The following MGMT variants were observed in gnomAD, a reference collection of about 807,000 sequenced individuals.
MGMT encodes methylated-DNA--protein-cysteine methyltransferase.
In MGMT, 14 loss-of-function variants were observed where a neutral mutation model predicts 15.9. That is an observed-to-expected ratio of 0.88 (90% confidence interval 0.58 to 1.37). The LOEUF is 1.37. MGMT is among the 40% of genes most tolerant of loss of function. The pLI is 0.00. For missense variants in MGMT, 282 were observed against 268.1 expected (o/e 1.05, Z -0.36); for synonymous variants, 130 against 118.2 (o/e 1.10, Z -0.65).
intron 2 of MGMT, among the ~76,000 whole-genome samples, chr10:129,610,581 A>C (rs1846948575): frequency 6.6e-6 from 1 of 152,176 alleles, no homozygotes; most frequent in South Asian, 2.1e-4. Flanking sequence ...TTTTTTACCA[A>C]CTAAAACAGG....
At chr10:129,750,201 A>G in intron 3 of MGMT, among the ~76,000 whole-genome samples, 1 of 151,736 alleles carries the variant, frequency 6.6e-6, no homozygotes, top group East Asian at 1.9e-4. Context: ...GGTTGCTTAG[A>G]TTTTCTCCTG....
intron 2 of MGMT, among the ~76,000 whole-genome samples, chr10:129,691,919 C>T (rs1399992965): frequency 3.9e-5 from 6 of 152,158 alleles, no homozygotes; most frequent in Non-Finnish European, 8.8e-5. Flanking sequence ...TGCCACTTAG[C>T]TGCATGGCCT....
intron 2 of MGMT, among the ~76,000 whole-genome samples, chr10:129,657,499 G>C (rs1847538041): frequency 6.6e-6 from 1 of 151,906 alleles, no homozygotes; most frequent in Non-Finnish European, 1.5e-5. Flanking sequence ...GCGTGAGACA[G>C]AAGAAACAGG....
chr10:129,583,493 G>A (rs1207570255), intron 2 of MGMT, among the ~76,000 whole-genome samples: 1 of 152,204 alleles, frequency 6.6e-6, no homozygotes, highest in Non-Finnish European at 1.5e-5. Flanking sequence ...GTAGTTTAAG[G>A]TAGAAGATAG....
At chr10:129,475,002 T>TG (rs533961503) in intron 1 of MGMT, among the ~76,000 whole-genome samples, 5,696 of 151,186 alleles carry the variant, frequency 0.038, 150 homozygotes, top group South Asian at 0.061. Context: ...TGGCCTTTGT[T>TG]GGGGGGGGTG....
At chr10:129,663,963 A>C (rs1363169135) in intron 2 of MGMT, among the ~76,000 whole-genome samples, 1 of 152,224 alleles carries the variant, frequency 6.6e-6, no homozygotes, top group African/African-American at 2.4e-5. Flanking sequence ...TTTTTTATGC[A>C]GCAAGTACAA....
chr10:129,495,702 C>T (rs928702713), intron 1 of MGMT, among the ~76,000 whole-genome samples: 2 of 152,204 alleles, frequency 1.3e-5, no homozygotes, highest in African/African-American at 4.8e-5. Flanking sequence ...TCCTGTCAAA[C>T]GTGTATGGAA....
chr10:129,635,161 C>T (rs1847251381), intron 2 of MGMT, among the ~76,000 whole-genome samples: 1 of 152,208 alleles, frequency 6.6e-6, no homozygotes, highest in Non-Finnish European at 1.5e-5. Context: ...GCGGTTACCA[C>T]CCTGTCATCC....
chr10:129,627,470 C>T (rs1847163652), intron 2 of MGMT, among the ~76,000 whole-genome samples: 1 of 152,158 alleles, frequency 6.6e-6, no homozygotes, highest in African/African-American at 2.4e-5. Flanking sequence ...CAGTTTTTCG[C>T]CCCCGAGTGT....
chr10:129,724,281 C>T (rs971668365), intron 3 of MGMT, among the ~76,000 whole-genome samples: 7 of 152,012 alleles, frequency 4.6e-5, no homozygotes, highest in African/African-American at 1.2e-4. Flanking sequence ...CTTAAGGAGC[C>T]GGACACAGCA....
rs149452540 is a variant in MGMT at position 129,467,416 on chromosome 10, C to A, written c.-13+120C>A. On this transcript the variant is annotated intron_variant, in intron 1 of 4. Coordinates refer to ENST00000651593, the MANE Select transcript of MGMT (RefSeq NM_002412.5). ...CCGTCGGGTGTGGGGCCGCCCTGAC[C>A]CCCACCCATCCCGGGCGAGCTCCAG... 2,589 of 1,368,174 alleles carry A rather than the reference C, an allele frequency of 1.9e-3. 55 individuals are homozygous for A. The highest frequency in any genetic ancestry group is 0.012 in the East Asian group (390 of 32,590). 84.8% of individuals were successfully genotyped at this position (1,368,174 alleles called of 1,614,324 possible).
At chr10:129,727,998 A>G (rs1848452254) in intron 3 of MGMT, among the ~76,000 whole-genome samples, 1 of 152,106 alleles carries the variant, frequency 6.6e-6, no homozygotes, top group Non-Finnish European at 1.5e-5. Context: ...AGGGGCTGCC[A>G]GCCTCCCTCC....
intron 2 of MGMT, among the ~76,000 whole-genome samples, chr10:129,640,308 G>A (rs2133089344): frequency 6.6e-6 from 1 of 152,144 alleles, no homozygotes; most frequent in Non-Finnish European, 1.5e-5. Flanking sequence ...ATATTGGCCA[G>A]GCTGGTCTCA....
At chr10:129,706,370 C>T (rs949984837) in intron 2 of MGMT, among the ~76,000 whole-genome samples, 7 of 152,194 alleles carry the variant, frequency 4.6e-5, no homozygotes, top group Non-Finnish European at 1.0e-4. Flanking sequence ...CACTGGGACC[C>T]TCCCAGAGCA....
chr10:129,560,954 AGT>A (rs57984603), intron 2 of MGMT, among the ~76,000 whole-genome samples: 11,300 of 133,040 alleles, frequency 0.085, 468 homozygotes, highest in Admixed American at 0.12. Flanking sequence ...AGTAAAGAGC[AGT>A]GTGTGTGTGT....
At chr10:129,506,997 C>A (rs2119688237) in intron 1 of MGMT, among the ~76,000 whole-genome samples, 1 of 152,200 alleles carries the variant, frequency 6.6e-6, no homozygotes, top group East Asian at 1.9e-4. Context: ...GGCCATGTGT[C>A]CATCACCAGG....
chr10:129,559,980 T>C (rs1846258306), intron 2 of MGMT, among the ~76,000 whole-genome samples: 1 of 152,220 alleles, frequency 6.6e-6, no homozygotes, highest in Admixed American at 6.5e-5. Context: ...TGCGTCACCT[T>C]AGCCATCAGT....
chr10:129,679,961 G>A (rs79132188), intron 2 of MGMT, among the ~76,000 whole-genome samples: 14,093 of 152,196 alleles, frequency 0.093, 933 homozygotes, highest in Admixed American at 0.18. Flanking sequence ...TCCACGCTCC[G>A]TTATACCATT....
chr10:129,564,948 G>A (rs1002793661), intron 2 of MGMT, among the ~76,000 whole-genome samples: 11 of 152,014 alleles, frequency 7.2e-5, no homozygotes, highest in South Asian at 4.2e-4. Flanking sequence ...GGCGGATGGC[G>A]CCATAAACAG....
Sources: allele counts gnomAD v4.1 joint callset (sites outside exome capture counted in the v4.1 genomes callset), GRCh38; gene constraint gnomAD v4.1.1; transcripts MANE v1.5; gene names NCBI Gene and HGNC (gene_info 2026-07-23, HGNC 2026-07-21).